The following HS3ST5 variants were observed in gnomAD, a reference collection of about 807,000 sequenced individuals.
HS3ST5 encodes heparan sulfate glucosamine 3-O-sulfotransferase 5.
In HS3ST5, 10 loss-of-function variants were observed where a neutral mutation model predicts 25.4. The ratio of observed to expected loss-of-function variants is 0.39; its 90% confidence interval spans 0.24 to 0.67. The LOEUF (loss-of-function observed/expected upper bound fraction) is 0.67, where lower values mean the gene tolerates loss of function less well. HS3ST5 is among the 30% of genes least tolerant of loss of function. The pLI is 0.44. For synonymous variants in HS3ST5, 170 were observed against 162.4 expected (o/e 1.05, Z -0.36); for missense variants, 324 against 420.7 (o/e 0.77, Z 2.01).
chr6:114,267,851 T>C (rs1773474740), intron 1 of HS3ST5, among the ~76,000 whole-genome samples: 1 of 152,202 alleles, frequency 6.6e-6, no homozygotes, highest in Non-Finnish European at 1.5e-5. Flanking sequence ...TATAGACTTC[T>C]TTCTTGGATA....
rs997663069 is a variant in HS3ST5 at position 114,293,968 on chromosome 6, G to A, written c.-339+48227C>T. 3.9e-5 allele frequency among the ~76,000 whole-genome samples: 6 copies of A among 152,308 alleles called. No homozygotes were observed. The South Asian group carries it at 1.2e-3, about 32-fold the overall frequency. ...ACCAAACTGTGGTACTTTCTGGAGTGCCTTGCAAGTGAGGAAGCATTGGCA... is the reference window on the plus strand; with the variant it reads ...ACCAAACTGTGGTACTTTCTGGAGTACCTTGCAAGTGAGGAAGCATTGGCA... On this transcript the variant is annotated intron_variant, in intron 1 of 4. Transcript: ENST00000312719.
intron 2 of HS3ST5, among the ~76,000 whole-genome samples, chr6:114,203,252 T>C (rs1781112351): frequency 1.3e-5 from 2 of 152,194 alleles, no homozygotes; most frequent in African/African-American, 4.8e-5. Context: ...GACAGAAATC[T>C]AACCTAAGGG....
At chr6:114,233,961 T>C (rs1771733295) in intron 1 of HS3ST5, among the ~76,000 whole-genome samples, 1 of 152,206 alleles carries the variant, frequency 6.6e-6, no homozygotes, top group Non-Finnish European at 1.5e-5. Context: ...GGAATGTATT[T>C]TGTTAAACAG....
In HS3ST5 at chr6:114,337,848, T is replaced by C. The variant is rs1378366548; in HGVS notation, c.-339+4347A>G. Among the ~76,000 whole-genome samples the C allele has an allele frequency of 3.9e-5, 6 of 152,248 alleles. 1 individual carries two copies. The highest frequency in any genetic ancestry group is 3.9e-4 in the Admixed American group (6 of 15,300). ...CTCAAATGCCAATTCTGCCATATAG[T>C]AGCTGCAGAGCTTGAGTCATTTATT... On this transcript the variant is annotated intron_variant, in intron 1 of 4. Transcript: ENST00000312719.
chr6:114,251,499 C>T (rs1311558115), intron 1 of HS3ST5: 3 of 152,080 alleles, frequency 2.0e-5, no homozygotes, highest in African/African-American at 7.2e-5. Flanking sequence ...ATTTACATTC[C>T]CTTTCCCCCT....
chr6:114,335,146 C>T (rs1376784943), intron 1 of HS3ST5, among the ~76,000 whole-genome samples: 1 of 152,060 alleles, frequency 6.6e-6, no homozygotes, highest in East Asian at 1.9e-4. Context: ...CATGGCTCCA[C>T]CCCTTTAGCT....
intron 1 of HS3ST5, among the ~76,000 whole-genome samples, chr6:114,310,218 A>G (rs964031970): frequency 6.6e-6 from 1 of 152,214 alleles, no homozygotes; most frequent in Non-Finnish European, 1.5e-5. Flanking sequence ...AGTAGGTGGC[A>G]AGCTCCTCCA....
intron 3 of HS3ST5, among the ~76,000 whole-genome samples, chr6:114,106,514 T>A (rs999175705): frequency 5.3e-5 from 8 of 152,088 alleles, no homozygotes; most frequent in African/African-American, 1.9e-4. Context: ...AATGGGCACA[T>A]ATCCATACTT....
chr6:114,103,819 T>G (rs1479995462), intron 3 of HS3ST5, among the ~76,000 whole-genome samples: 2 of 147,254 alleles, frequency 1.4e-5, no homozygotes, highest in Non-Finnish European at 3.0e-5. Flanking sequence ...GCCTCCCGAG[T>G]AGCTGGGACT....
intron 3 of HS3ST5, among the ~76,000 whole-genome samples, chr6:114,139,045 A>C (rs900535843): frequency 6.6e-6 from 1 of 152,178 alleles, no homozygotes; most frequent in Non-Finnish European, 1.5e-5. Flanking sequence ...AAAAATGCTG[A>C]AGGGACAAAA....
At chr6:114,183,531 A>G (rs1780064074) in intron 2 of HS3ST5, among the ~76,000 whole-genome samples, 1 of 152,190 alleles carries the variant, frequency 6.6e-6, no homozygotes. Context: ...CTCATTTTAT[A>G]TACATATATA....
intron 3 of HS3ST5, among the ~76,000 whole-genome samples, chr6:114,064,675 G>A (rs1582556537): frequency 6.6e-6 from 1 of 152,214 alleles, no homozygotes; most frequent in Admixed American, 6.5e-5. Context: ...TTCTTGCCCT[G>A]TGGGAGTCCA....
intron 3 of HS3ST5, among the ~76,000 whole-genome samples, chr6:114,130,879 A>C (rs928936831): frequency 4.6e-5 from 7 of 152,094 alleles, no homozygotes; most frequent in African/African-American, 1.7e-4. Flanking sequence ...ATATTACAAA[A>C]AAAATTTTAA....
intron 3 of HS3ST5, among the ~76,000 whole-genome samples, chr6:114,105,226 T>C (rs776379912): frequency 1.7e-4 from 26 of 152,184 alleles, no homozygotes; most frequent in Non-Finnish European, 2.6e-4. Flanking sequence ...AAAAGTGATA[T>C]ATAATCCCTC....
At chr6:114,180,904 C>T (rs1409026571) in intron 2 of HS3ST5, among the ~76,000 whole-genome samples, 1 of 152,184 alleles carries the variant, frequency 6.6e-6, no homozygotes, top group African/African-American at 2.4e-5. Flanking sequence ...ACAATAACAA[C>T]CAAACACGTT....
intron 2 of HS3ST5, among the ~76,000 whole-genome samples, chr6:114,225,951 G>A (rs188828812): frequency 2.0e-5 from 3 of 151,874 alleles, no homozygotes; most frequent in African/African-American, 7.2e-5. Context: ...ACCCACTCTC[G>A]AACAGCAGAA....
chr6:114,269,887 G>C (rs1281281577), intron 1 of HS3ST5, among the ~76,000 whole-genome samples: 24 of 152,084 alleles, frequency 1.6e-4, no homozygotes, highest in Admixed American at 1.6e-3. Context: ...CCTTTCACTG[G>C]CTTGATAATG....
intron 4 of HS3ST5, among the ~76,000 whole-genome samples, chr6:114,060,159 G>A (rs11153460): frequency 5.3e-5 from 8 of 151,798 alleles, no homozygotes; most frequent in Non-Finnish European, 7.4e-5. Context: ...GATTACAGGC[G>A]TGCGCCACCA....
At chr6:114,182,802 T>C (rs985421919) in intron 2 of HS3ST5, among the ~76,000 whole-genome samples, 3 of 152,144 alleles carry the variant, frequency 2.0e-5, no homozygotes, top group African/African-American at 7.2e-5. Flanking sequence ...CCAGGTGAAA[T>C]ATAATTTCTA....
Sources: allele counts gnomAD v4.1 joint callset (sites outside exome capture counted in the v4.1 genomes callset), GRCh38; gene constraint gnomAD v4.1.1; transcripts MANE v1.5; gene names NCBI Gene and HGNC (gene_info 2026-07-23, HGNC 2026-07-21).